TRIT1: variants seen among roughly 807,000 people sequenced by gnomAD.
TRIT1 encodes tRNA isopentenyltransferase 1.
Under a neutral mutation model 51.2 loss-of-function variants are expected in TRIT1, and 43 were observed. The observed-to-expected ratio is 0.84, with a 90% CI of 0.66 to 1.08. The LOEUF is 1.08. Among genes scored for constraint, TRIT1 ranks in the 50% least tolerant of loss-of-function variants. The pLI, the probability that TRIT1 is intolerant of heterozygous loss-of-function variation, is 0.00. For missense variants in TRIT1, 528 were observed against 578.4 expected (o/e 0.91, Z 0.89); for synonymous variants, 184 against 203.9 (o/e 0.90, Z 0.83).
chr1:39,846,750 C>T (rs1454066270), intron 8 of TRIT1, among the ~76,000 whole-genome samples: 1 of 152,172 alleles, frequency 6.6e-6, no homozygotes, highest in Non-Finnish European at 1.5e-5. Context: ...CTCAAAAATG[C>T]TGTTCAACTA....
chr1:39,859,298 G>GAAAAAAAAAAAA (rs1643099762), intron 1 of TRIT1, among the ~76,000 whole-genome samples: 1 of 76,158 alleles, frequency 1.3e-5, no homozygotes, highest in African/African-American at 4.1e-5. Context: ...AAAAAAAAAC[G>GAAAAAAAAAAAA]AAAGAGGCCA....
At chr1:39,880,059 T>C (rs6600307) in intron 1 of TRIT1, among the ~76,000 whole-genome samples, 85,555 of 150,212 alleles carry the variant, frequency 0.57, 26,357 homozygotes, top group African/African-American at 0.83. Context: ...CCTGTAGTCC[T>C]AGCTGCTCGG....
chr1:39,845,449 G>A (rs945085858), intron 8 of TRIT1, among the ~76,000 whole-genome samples: 2 of 152,224 alleles, frequency 1.3e-5, no homozygotes, highest in Non-Finnish European at 2.9e-5. Context: ...ATCGCCCATG[G>A]GCAAAAACAT....
In TRIT1 at chr1:39,857,296, C is replaced by T. The variant is rs758013241; in HGVS notation, c.296G>A (p.Arg99Lys). 1.9e-6 allele frequency: 3 copies of T among 1,612,432 alleles called. No individual in the cohort carries two copies. The highest frequency in any genetic ancestry group is 2.2e-5 in the South Asian group (2 of 90,758). Residue 99 changes from arginine (R) to lysine (K), a missense_variant, in exon 2 of 11, where the codon AGA becomes AAA. Coordinates refer to ENST00000316891, the MANE Select transcript of TRIT1 (RefSeq NM_017646.6). Reference sequence around the variant, plus strand: ...GGATATCAGAGCAGTTGCTCTATTTCTGAAGTCCACCACTGTGTAATTGGT... The same window carrying T: ...GGATATCAGAGCAGTTGCTCTATTTTTGAAGTCCACCACTGTGTAATTGGT... ...LVTNYTVVDF[R>K]NRATALIEDI...
rs1204164258 is a variant in TRIT1, at chr1:39,872,792, GAA to G, written c.174+10524_174+10525del. On this transcript the variant is annotated intron_variant, in intron 1 of 10. Transcript: ENST00000316891. ...ACACACACACACACAGAGAGAGAGA[GAA>G]AGAGAGAGAAAGGAAGGAAGGGAGG... 1.8e-4 allele frequency among the ~76,000 whole-genome samples: 18 copies of G among 99,038 alleles called. No individual in the cohort carries two copies. In the East Asian group the frequency reaches 3.8e-3, roughly 21 times the overall value. 65.0% of individuals were successfully genotyped at this position (99,038 alleles called of 152,430 possible).
At position 39,854,077 on chromosome 1, in the gene TRIT1, T is replaced by C. The variant is rs113210258; in HGVS notation, c.316-9A>G. ...GCAAATATATCTTCAATGTGAACAT[T>C]AAGAAAGATATCACGATATCAAGAG... is the stretch of plus-strand genomic sequence containing the variant. On this transcript the variant is annotated splice_polypyrimidine_tract_variant and intron_variant, in intron 2 of 10. Transcript: ENST00000316891. The C allele has an allele frequency of 1.3e-6, 2 of 1,559,850 alleles. No individual in the cohort carries two copies. The highest frequency in any genetic ancestry group is 1.1e-5 in the South Asian group (1 of 87,586).
intron 4 of TRIT1, among the ~76,000 whole-genome samples, chr1:39,851,227 G>A (rs1326057958): frequency 6.6e-6 from 1 of 151,780 alleles, no homozygotes; most frequent in Non-Finnish European, 1.5e-5. Flanking sequence ...CAAGCCAAAA[G>A]AAAGATTAAA....
intron 4 of TRIT1, among the ~76,000 whole-genome samples, chr1:39,851,748 G>C (rs1279820548): frequency 6.6e-6 from 1 of 151,750 alleles, no homozygotes; most frequent in Non-Finnish European, 1.5e-5. Flanking sequence ...TTTGGAACCA[G>C]CCTGGGCAAC....
At chr1:39,861,919 G>C (rs972629260) in intron 1 of TRIT1, among the ~76,000 whole-genome samples, 1 of 137,526 alleles carries the variant, frequency 7.3e-6, no homozygotes, top group Non-Finnish European at 1.5e-5. Flanking sequence ...GCAAGGCTCT[G>C]TCTCAAAAAA....
rs3215539 is a variant in TRIT1, at chr1:39,841,494, GA to G, written c.*249del. ...AATAATAGAACCTTTAAGGTTCAAAGAAAAAAAAAATGCTTTCCTGAACTAC... is the reference window on the plus strand; with the variant it reads ...AATAATAGAACCTTTAAGGTTCAAAGAAAAAAAAATGCTTTCCTGAACTAC... On this transcript the variant is annotated 3_prime_UTR_variant, in exon 11 of 11. Transcript: ENST00000316891. The G allele has an allele frequency of 3.1e-3, 1,001 of 321,612 alleles. No homozygotes were observed. Among genetic ancestry groups the G allele is most frequent in the South Asian group, 4.5e-3 (38 of 8,426 alleles). The allele number at this position is 321,612 out of a possible 1,614,324, so 19.9% of individuals were successfully genotyped here. A position where few individuals can be genotyped will look rare whatever the true frequency, so the allele number is the denominator to read the frequency against.
At chr1:39,843,529 T>C (rs1569957707) in intron 10 of TRIT1, among the ~76,000 whole-genome samples, 1 of 152,320 alleles carries the variant, frequency 6.6e-6, no homozygotes, top group East Asian at 1.9e-4. Flanking sequence ...TAACCTTCTT[T>C]ATACATGTGT....
chr1:39,862,672 G>A, intron 1 of TRIT1: 1 of 555,716 alleles, frequency 1.8e-6, no homozygotes, highest in East Asian at 1.5e-4. Flanking sequence ...TATCACATTT[G>A]GTCCAGAGGT....
intron 1 of TRIT1, among the ~76,000 whole-genome samples, chr1:39,860,973 G>A (rs531446151): frequency 6.6e-6 from 1 of 152,182 alleles, no homozygotes; most frequent in East Asian, 1.9e-4. Flanking sequence ...AGCTACTCAG[G>A]GGCTGAGGCA....
At chr1:39,852,376 T>C (rs1165707645) in intron 4 of TRIT1, among the ~76,000 whole-genome samples, 2 of 152,154 alleles carry the variant, frequency 1.3e-5, no homozygotes, top group East Asian at 1.9e-4. Flanking sequence ...CGGCATTGCA[T>C]AATCAGTTAT....
At chr1:39,881,728 C>G (rs1270295777) in intron 1 of TRIT1, 1 of 152,306 alleles carries the variant, frequency 6.6e-6, no homozygotes, top group East Asian at 1.9e-4. Context: ...CCTATCCAAA[C>G]TTGACCTATT....
intron 10 of TRIT1, among the ~76,000 whole-genome samples, chr1:39,843,200 T>C (rs909326908): frequency 1.3e-5 from 2 of 152,196 alleles, no homozygotes; most frequent in African/African-American, 2.4e-5. Flanking sequence ...ATAGACCTAA[T>C]CATCCTATTG....
At position 39,844,138 on chromosome 1, in the gene TRIT1, G is replaced by GAGGTCACAC. The variant is rs1642082339; in HGVS notation, c.1188_1196dup (p.Leu399_Asp401dup). On this transcript the variant is annotated inframe_insertion, in exon 10 of 11. Transcript: ENST00000316891. ...GATCCCCAATGATGATTCGATCACA[G>GAGGTCACAC]AGGTCACACAGGTGATAACTTCTCT... The GAGGTCACAC allele has an allele frequency of 1.2e-6, 2 of 1,614,154 alleles. No individual in the cohort carries two copies. Among genetic ancestry groups the GAGGTCACAC allele is most frequent in the Non-Finnish European group, 1.7e-6 (2 of 1,180,000 alleles).
intron 1 of TRIT1, among the ~76,000 whole-genome samples, chr1:39,882,582 C>A (rs74369148): frequency 1.4e-4 from 21 of 152,286 alleles, no homozygotes; most frequent in Admixed American, 4.6e-4. Context: ...GGACAAAGCC[C>A]CTTCAACTTT....
rs1473253931 is a variant in TRIT1, at chr1:39,840,781, A to C, written c.*963T>G. Among the ~76,000 whole-genome samples the C allele has an allele frequency of 1.3e-5, 2 of 152,318 alleles. No individual in the cohort carries two copies. The highest frequency in any genetic ancestry group is 3.9e-4 in the East Asian group (2 of 5,186). On this transcript the variant is annotated 3_prime_UTR_variant, in exon 11 of 11. Transcript: ENST00000316891. ...CTAAAAATGCTATATTTGATGTTAT[A>C]TATAAATAAGTATCTGTTTAACATT... is the stretch of plus-strand genomic sequence containing the variant.
Sources: allele counts gnomAD v4.1 joint callset (sites outside exome capture counted in the v4.1 genomes callset), GRCh38; gene constraint gnomAD v4.1.1; transcripts MANE v1.5; gene names NCBI Gene and HGNC (gene_info 2026-07-23, HGNC 2026-07-21).